Variants in CTNNA3 observed in about 807,000 individuals in gnomAD.
CTNNA3 encodes catenin alpha-3.
A neutral mutation model predicts 95.7 loss-of-function variants in CTNNA3; 76 were observed. The ratio of observed to expected loss-of-function variants is 0.79; its 90% confidence interval spans 0.66 to 0.96. The LOEUF (loss-of-function observed/expected upper bound fraction) is 0.96. Among genes scored for constraint, CTNNA3 ranks in the 40% least tolerant of loss-of-function variants. CTNNA3 has a pLI of 0.00. For missense variants in CTNNA3, 1,191 were observed against 1,089.8 expected (o/e 1.09, Z -1.31); for synonymous variants, 431 against 374.4 (o/e 1.15, Z -1.74).
chr10:66,000,668 A>G (rs77441440), intron 15 of CTNNA3, among the ~76,000 whole-genome samples: 5,935 of 152,238 alleles, frequency 0.039, 379 homozygotes, highest in African/African-American at 0.13. Context: ...ATAATAGCAT[A>G]TATTTTCTTC....
intron 1 of CTNNA3, among the ~76,000 whole-genome samples, chr10:67,704,296 C>G (rs1841063493): frequency 6.6e-6 from 1 of 152,068 alleles, no homozygotes; most frequent in Admixed American, 6.6e-5. Context: ...TGTATGGAAC[C>G]AAAAAAGAGC....
At chr10:66,719,930 C>A (rs527441230) in intron 9 of CTNNA3, among the ~76,000 whole-genome samples, 1 of 151,944 alleles carries the variant, frequency 6.6e-6, no homozygotes, top group African/African-American at 2.4e-5. Flanking sequence ...TTTTAGAAAG[C>A]TTTTTCACAA....
At chr10:66,526,505 T>C (rs1285474033) in intron 10 of CTNNA3, among the ~76,000 whole-genome samples, 2 of 152,170 alleles carry the variant, frequency 1.3e-5, no homozygotes, top group East Asian at 1.9e-4. Context: ...CTAAATTTAA[T>C]TTATGAAATG....
At chr10:66,743,793 T>A (rs191499609) in intron 9 of CTNNA3, among the ~76,000 whole-genome samples, 51 of 151,998 alleles carry the variant, frequency 3.4e-4, no homozygotes, top group African/African-American at 1.2e-3. Flanking sequence ...CTGGTCAACA[T>A]GGTGAAATCC....
At chr10:67,476,310 C>T (rs1402738912) in intron 5 of CTNNA3, among the ~76,000 whole-genome samples, 1 of 152,080 alleles carries the variant, frequency 6.6e-6, no homozygotes, top group Non-Finnish European at 1.5e-5. Context: ...GGATTGACAG[C>T]CTGAGCCATC....
chr10:66,002,835 A>C (rs1232989009), intron 15 of CTNNA3, among the ~76,000 whole-genome samples: 2 of 152,230 alleles, frequency 1.3e-5, no homozygotes, highest in Non-Finnish European at 2.9e-5. Flanking sequence ...GTAACTGCAA[A>C]GAAAGCTGGG....
At chr10:67,483,256 C>G (rs1012872486) in intron 5 of CTNNA3, among the ~76,000 whole-genome samples, 4 of 150,680 alleles carry the variant, frequency 2.7e-5, no homozygotes, top group African/African-American at 9.9e-5. Flanking sequence ...ACCCAGCCAT[C>G]CCATTACTGG....
chr10:65,938,796 A>G (rs113518344), intron 17 of CTNNA3, among the ~76,000 whole-genome samples: 1 of 152,102 alleles, frequency 6.6e-6, no homozygotes, highest in Non-Finnish European at 1.5e-5. Flanking sequence ...TCGATCCCTT[A>G]TAATTGTGCT....
At chr10:66,239,385 C>T (rs754724205) in intron 13 of CTNNA3, among the ~76,000 whole-genome samples, 13 of 151,894 alleles carry the variant, frequency 8.6e-5, no homozygotes, top group Non-Finnish European at 1.6e-4. Context: ...CAATCTTCTG[C>T]TCCCCAGTCT....
At chr10:66,646,352 G>A (rs908100384) in intron 9 of CTNNA3, among the ~76,000 whole-genome samples, 40 of 152,080 alleles carry the variant, frequency 2.6e-4, no homozygotes, top group Admixed American at 2.4e-3. Flanking sequence ...AGCACAAAGA[G>A]TTAACTTTAA....
intron 3 of CTNNA3, among the ~76,000 whole-genome samples, chr10:67,544,575 A>G (rs1177307597): frequency 2.0e-5 from 3 of 152,208 alleles, no homozygotes; most frequent in Non-Finnish European, 2.9e-5. Context: ...TAATCTGCAC[A>G]TGCTCCCTCT....
At chr10:66,093,047 C>T (rs1441478053) in intron 14 of CTNNA3, among the ~76,000 whole-genome samples, 1 of 151,856 alleles carries the variant, frequency 6.6e-6, no homozygotes, top group African/African-American at 2.4e-5. Context: ...TTTAATGAAG[C>T]TCCACTGTCT....
chr10:66,865,213 C>CGTGTGT (rs3055786), intron 7 of CTNNA3, among the ~76,000 whole-genome samples: 2,313 of 143,908 alleles, frequency 0.016, 54 homozygotes, highest in African/African-American at 0.058. Context: ...TGTGTGTGTG[C>CGTGTGT]GTGTGTGTGT....
intron 13 of CTNNA3, among the ~76,000 whole-genome samples, chr10:66,201,639 CT>C (rs1177368312): frequency 2.0e-5 from 3 of 152,080 alleles, no homozygotes; most frequent in Non-Finnish European, 4.4e-5. Flanking sequence ...CGGTAATACC[CT>C]TATTTCTCTC....
intron 7 of CTNNA3, among the ~76,000 whole-genome samples, chr10:66,846,573 C>T (rs914922775): frequency 6.6e-6 from 1 of 150,672 alleles, no homozygotes; most frequent in African/African-American, 2.4e-5. Context: ...ACATTATATA[C>T]CATATGTGTG....
At chr10:67,082,622 G>A (rs1301780213) in intron 7 of CTNNA3, among the ~76,000 whole-genome samples, 8 of 152,012 alleles carry the variant, frequency 5.3e-5, no homozygotes, top group Non-Finnish European at 7.4e-5. Flanking sequence ...CAGCTGGCCC[G>A]CAGGAGAAAA....
chr10:66,763,335 C>CAGAGAGAGAGAG (rs1247071541), intron 9 of CTNNA3, among the ~76,000 whole-genome samples: 33 of 113,446 alleles, frequency 2.9e-4, no homozygotes, highest in African/African-American at 4.7e-4. Flanking sequence ...CACACACACA[C>CAGAGAGAGAGAG]ACACACAGAG....
chr10:67,347,040 C>G (rs767087807), intron 5 of CTNNA3, among the ~76,000 whole-genome samples: 3 of 151,274 alleles, frequency 2.0e-5, no homozygotes, highest in Non-Finnish European at 2.9e-5. Context: ...AATTCTTGAT[C>G]TACTTATAAT....
At chr10:67,543,812 A>G (rs1305619025) in intron 3 of CTNNA3, among the ~76,000 whole-genome samples, 1 of 152,146 alleles carries the variant, frequency 6.6e-6, no homozygotes, top group Non-Finnish European at 1.5e-5. Context: ...TGGTTGGGAA[A>G]CTGCCATTTT....
Sources: gnomAD v4.1 joint callset for allele counts (sites outside exome capture counted in the v4.1 genomes callset) on GRCh38, gnomAD v4.1.1 for gene constraint, MANE v1.5 for transcripts, NCBI Gene and HGNC (gene_info 2026-07-23, HGNC 2026-07-21) for gene names.